Variants in NAV2 observed in about 807,000 individuals in gnomAD.
The protein encoded by NAV2 is neuron navigator 2.
Under a neutral mutation model 223.2 loss-of-function variants are expected in NAV2, and 54 were observed. The observed-to-expected ratio is 0.24, with a 90% CI of 0.19 to 0.30. NAV2 has a LOEUF of 0.30. NAV2 is among the 10% of genes least tolerant of loss of function. NAV2 has a pLI of 1.00. For missense variants in NAV2, 2,806 were observed against 3,147.5 expected, an observed-to-expected ratio of 0.89 and a Z score of 2.60; for synonymous variants, 1,279 against 1,239.3, an observed-to-expected ratio of 1.03 and a Z score of -0.67.
intron 1 of NAV2, among the ~76,000 whole-genome samples, chr11:19,557,176 G>A (rs1018763301): frequency 7.9e-5 from 12 of 152,184 alleles, no homozygotes; most frequent in East Asian, 3.8e-4. Context: ...CATTTAACCC[G>A]CAGGTTAAAT....
chr11:19,984,252 G>C lies in NAV2; in HGVS notation c.2768+5G>C. The C allele has an allele frequency of 6.2e-7, 1 of 1,614,114 alleles. No homozygotes were observed. The highest frequency in any genetic ancestry group is 8.5e-7 in the Non-Finnish European group (1 of 1,179,972). Reference sequence around the variant, plus strand: ...GGGCCTCGGAGACGCTGACAGGTAAGCTTGCTGCACTTGGGGCTGGTCAGA... The same window carrying C: ...GGGCCTCGGAGACGCTGACAGGTAACCTTGCTGCACTTGGGGCTGGTCAGA... On this transcript the variant is annotated splice_donor_5th_base_variant and intron_variant, in intron 11 of 37. Transcript: ENST00000349880.
chr11:19,459,122 A>G (rs1852062295), intron 1 of NAV2, among the ~76,000 whole-genome samples: 1 of 152,208 alleles, frequency 6.6e-6, no homozygotes, highest in Admixed American at 6.5e-5. Context: ...GTTATAAGGA[A>G]ATTTCCAGTT....
At chr11:19,476,003 C>G (rs2042102430) in intron 1 of NAV2, among the ~76,000 whole-genome samples, 2 of 152,144 alleles carry the variant, frequency 1.3e-5, no homozygotes, top group Non-Finnish European at 2.9e-5. Flanking sequence ...GAGACAGAGT[C>G]TTACTCTACT....
intron 5 of NAV2, among the ~76,000 whole-genome samples, chr11:19,886,233 C>T (rs1254793977): frequency 1.3e-5 from 2 of 152,154 alleles, no homozygotes; most frequent in Non-Finnish European, 2.9e-5. Flanking sequence ...CCGCCTTGGC[C>T]TCCCAGGGCG....
intron 1 of NAV2, among the ~76,000 whole-genome samples, chr11:19,630,936 AAGG>A (rs2047325492): frequency 6.8e-6 from 1 of 147,396 alleles, no homozygotes; most frequent in African/African-American, 2.5e-5. Flanking sequence ...AAAAAAAAAA[AAGG>A]AAAAAAGAAA....
chr11:19,845,852 T>A (rs1221664756), intron 3 of NAV2, among the ~76,000 whole-genome samples: 2 of 152,208 alleles, frequency 1.3e-5, no homozygotes. Flanking sequence ...TGTGTACTTT[T>A]AGACTGTCAA....
At chr11:19,382,071 C>A (rs1028197676) in intron 1 of NAV2, among the ~76,000 whole-genome samples, 3 of 152,182 alleles carry the variant, frequency 2.0e-5, no homozygotes, top group Admixed American at 2.0e-4. Flanking sequence ...GACTCCTGGG[C>A]TTCCAGGGGG....
At chr11:19,878,074 T>A (rs1387796283) in intron 4 of NAV2, among the ~76,000 whole-genome samples, 1 of 152,130 alleles carries the variant, frequency 6.6e-6, no homozygotes, top group Non-Finnish European at 1.5e-5. Context: ...CCCTTGGACA[T>A]TTCTCTGCTT....
At chr11:19,619,308 A>T (rs961748278) in intron 1 of NAV2, among the ~76,000 whole-genome samples, 12 of 152,046 alleles carry the variant, frequency 7.9e-5, no homozygotes, top group Non-Finnish European at 1.8e-4. Context: ...TGGTATTTCT[A>T]GTTCTAGATC....
At chr11:19,955,945 T>C (rs1051332922) in intron 10 of NAV2, among the ~76,000 whole-genome samples, 4 of 152,174 alleles carry the variant, frequency 2.6e-5, no homozygotes, top group African/African-American at 9.7e-5. Flanking sequence ...TATGGCAGGT[T>C]CCAGCAGGGT....
At chr11:20,017,426 C>A (rs1349136292) in intron 11 of NAV2, among the ~76,000 whole-genome samples, 1 of 152,130 alleles carries the variant, frequency 6.6e-6, no homozygotes, top group African/African-American at 2.4e-5. Flanking sequence ...TCTTTCATGT[C>A]TTCCTTTAAA....
chr11:19,387,547 A>G (rs1392007289), intron 1 of NAV2, among the ~76,000 whole-genome samples: 5 of 152,062 alleles, frequency 3.3e-5, no homozygotes. Flanking sequence ...TGGAACGGAA[A>G]AGTATATTCT....
intron 10 of NAV2, among the ~76,000 whole-genome samples, chr11:19,968,456 G>A (rs931441936): frequency 4.6e-5 from 7 of 152,098 alleles, no homozygotes; most frequent in Admixed American, 4.6e-4. Flanking sequence ...CTGACCTCAG[G>A]TGATCCACCC....
intron 1 of NAV2, among the ~76,000 whole-genome samples, chr11:19,765,391 T>TTCCC (rs2055128419): frequency 1.4e-5 from 2 of 145,212 alleles, no homozygotes. Flanking sequence ...CCTTCCTTCC[T>TTCCC]TCCCTCCCTC....
At chr11:19,473,612 C>A (rs192034744) in intron 1 of NAV2, among the ~76,000 whole-genome samples, 1 of 152,170 alleles carries the variant, frequency 6.6e-6, no homozygotes, top group African/African-American at 2.4e-5. Context: ...AATCAGAACC[C>A]AGTGTCATGC....
chr11:20,045,622 T>G lies in NAV2; in HGVS notation c.3854T>G (p.Leu1285Arg). 6.2e-7 allele frequency: 1 copy of G among 1,614,178 alleles called. No individual in the cohort carries two copies. Among genetic ancestry groups the G allele is most frequent in the Non-Finnish European group, 8.5e-7 (1 of 1,180,018 alleles). ...QPVSSPAQTS[L>R]QPGAKYPDVA... is the part of the protein sequence containing the mutation. The stretch of plus-strand genomic sequence containing the variant: ...GTGTCCAGTCCGGCTCAGACCAGTC[T>G]CCAGCCTGGAGCCAAGTACCCAGAT... The change falls in exon 14 of 38, where the codon CTC (leucine) becomes CGC (arginine). Residue 1285 changes from leucine (L) to arginine (R), a missense_variant. Coordinates refer to ENST00000349880, the MANE Select transcript of NAV2 (RefSeq NM_145117.5).
At chr11:19,582,685 G>T (rs2135039878) in intron 1 of NAV2, among the ~76,000 whole-genome samples, 1 of 152,208 alleles carries the variant, frequency 6.6e-6, no homozygotes, top group East Asian at 1.9e-4. Context: ...TAGATATGTG[G>T]CATTATTTCT....
chr11:19,835,419 A>G (rs549367967), intron 2 of NAV2, among the ~76,000 whole-genome samples: 1 of 152,288 alleles, frequency 6.6e-6, no homozygotes, highest in African/African-American at 2.4e-5. Context: ...GGCTAAAAGG[A>G]GTGAGAAGAC....
intron 1 of NAV2, among the ~76,000 whole-genome samples, chr11:19,675,123 A>T (rs1159059667): frequency 6.6e-6 from 1 of 152,156 alleles, no homozygotes; most frequent in Non-Finnish European, 1.5e-5. Flanking sequence ...CAGGATCCTT[A>T]GCATGGTAAA....
Sources: allele counts gnomAD v4.1 joint callset (sites outside exome capture counted in the v4.1 genomes callset), GRCh38; gene constraint gnomAD v4.1.1; transcripts MANE v1.5; gene names NCBI Gene and HGNC (gene_info 2026-07-23, HGNC 2026-07-21).